Variants in HACE1 observed in about 807,000 individuals in gnomAD.
HACE1 encodes the protein E3 ubiquitin-protein ligase HACE1.
In HACE1, 73 loss-of-function variants were observed where a neutral mutation model predicts 118.4. That is an observed-to-expected ratio of 0.62 (90% CI 0.51 to 0.75). The LOEUF (loss-of-function observed/expected upper bound fraction) is 0.75, where lower values mean the gene tolerates loss of function less well. HACE1 is among the 30% of genes least tolerant of loss of function. The pLI is 0.00. For synonymous variants in HACE1, 368 were observed against 374.8 expected (o/e 0.98, Z 0.21); for missense variants, 749 against 1,102.2 (o/e 0.68, Z 4.54).
chr6:104,809,523 T>A lies in HACE1; in HGVS notation c.617+1788A>T, dbSNP rs189114924. Among the ~76,000 whole-genome samples, 9 of 152,198 alleles carry A rather than the reference T, an allele frequency of 5.9e-5. No homozygotes were observed. The East Asian group carries it at 1.5e-3, about 26-fold the overall frequency. ...GAGAATCACTGTGGTTCAAGTACAG[T>A]GAGCTAAACAGGAGTGAAATCATGG... On this transcript the variant is annotated intron_variant, in intron 7 of 23. Coordinates refer to ENST00000262903, the MANE Select transcript of HACE1 (RefSeq NM_020771.4).
intron 19 of HACE1, among the ~76,000 whole-genome samples, chr6:104,757,473 C>T (rs1419372180): frequency 6.6e-6 from 1 of 152,178 alleles, no homozygotes; most frequent in Admixed American, 6.5e-5. Flanking sequence ...AGAAGGAAAA[C>T]TAACACACAG....
intron 7 of HACE1, 148 bp from the exon 8 acceptor site, chr6:104,797,173 A>G: frequency 1.7e-6 from 1 of 573,988 alleles, no homozygotes; most frequent in South Asian, 1.9e-5. Context: ...AATCACAAAA[A>G]CTTTCTCAAT....
chr6:104,828,781 T>C (rs1317351360), intron 6 of HACE1, among the ~76,000 whole-genome samples: 2 of 152,072 alleles, frequency 1.3e-5, no homozygotes, highest in African/African-American at 4.8e-5. Flanking sequence ...TTCTTAGTTA[T>C]GACAAAAATG....
At chr6:104,748,519 C>T (rs1777689429) in intron 20 of HACE1, among the ~76,000 whole-genome samples, 1 of 152,186 alleles carries the variant, frequency 6.6e-6, no homozygotes, top group Non-Finnish European at 1.5e-5. Flanking sequence ...AAACTATCTG[C>T]TCCTATCTAC....
At chr6:104,842,439 A>C (rs1286253192) in intron 5 of HACE1, 2 of 151,864 alleles carry the variant, frequency 1.3e-5, no homozygotes, top group Non-Finnish European at 1.5e-5. Flanking sequence ...CCCCGTCTCT[A>C]CTGAAAATAC....
At chr6:104,767,100 T>G (rs1005880592) in intron 19 of HACE1, among the ~76,000 whole-genome samples, 1 of 152,110 alleles carries the variant, frequency 6.6e-6, no homozygotes, top group Non-Finnish European at 1.5e-5. Flanking sequence ...TAAAGAGAAA[T>G]AGCTATCTCA....
intron 5 of HACE1, among the ~76,000 whole-genome samples, chr6:104,840,482 T>C (rs982409767): frequency 1.5e-4 from 23 of 152,108 alleles, no homozygotes; most frequent in Non-Finnish European, 7.4e-5. Flanking sequence ...AACCAGGAAG[T>C]AGCATTTAGC....
chr6:104,754,382 C>T (rs1354277492), intron 19 of HACE1, among the ~76,000 whole-genome samples: 2 of 152,110 alleles, frequency 1.3e-5, no homozygotes, highest in Non-Finnish European at 2.9e-5. Context: ...GGCCAACATT[C>T]AAATTCAGGA....
chr6:104,737,747 G>C (rs1416458237), intron 22 of HACE1, among the ~76,000 whole-genome samples: 1 of 152,226 alleles, frequency 6.6e-6, no homozygotes, highest in Non-Finnish European at 1.5e-5. Flanking sequence ...AGCGAGGCTG[G>C]GGGAGGGGCG....
At chr6:104,826,173 C>T (rs1344076267) in intron 6 of HACE1, among the ~76,000 whole-genome samples, 2 of 152,180 alleles carry the variant, frequency 1.3e-5, no homozygotes, top group African/African-American at 2.4e-5. Flanking sequence ...ACCATCCCCT[C>T]GATTTCTGAC....
intron 19 of HACE1, among the ~76,000 whole-genome samples, chr6:104,759,084 C>G (rs1779039410): frequency 6.6e-6 from 1 of 152,196 alleles, no homozygotes; most frequent in South Asian, 2.1e-4. Context: ...GAGACTTAGA[C>G]TCCCACACAA....
intron 2 of HACE1, 89 bp downstream of exon 2, chr6:104,852,228 T>TGTGTGTGTGTGTGA: frequency 3.0e-6 from 2 of 660,800 alleles, no homozygotes. Context: ...TGTGTGTGTG[T>TGTGTGTGTGTGTGA]GCGCGCGTGC....
chr6:104,852,239 GCGTGCA>G (rs1562515067), intron 2 of HACE1, 72 bp downstream of exon 2: 4 of 815,602 alleles, frequency 4.9e-6, no homozygotes, highest in Non-Finnish European at 8.8e-6. Flanking sequence ...GCGCGCGTGC[GCGTGCA>G]CGGGCATGCA....
intron 6 of HACE1, among the ~76,000 whole-genome samples, chr6:104,827,732 A>G (rs1462323314): frequency 6.6e-6 from 1 of 152,126 alleles, no homozygotes; most frequent in Non-Finnish European, 1.5e-5. Context: ...CCGTAACTGG[A>G]TGAAAAACTT....
At chr6:104,753,252 C>G (rs1419210447) in intron 19 of HACE1, among the ~76,000 whole-genome samples, 2 of 152,150 alleles carry the variant, frequency 1.3e-5, no homozygotes, top group Non-Finnish European at 2.9e-5. Flanking sequence ...TGGGACCGAG[C>G]TCCGGGGACA....
At chr6:104,847,172 T>G (rs983578280) in intron 4 of HACE1, among the ~76,000 whole-genome samples, 2 of 152,236 alleles carry the variant, frequency 1.3e-5, no homozygotes, top group African/African-American at 4.8e-5. Context: ...GACTTATTTC[T>G]TGCTCCTCAC....
rs869025280 is a variant in HACE1 at position 104,796,988 on chromosome 6, G to A, written c.655C>T (p.Arg219Ter). 9 of 1,600,278 alleles carry A rather than the reference G, an allele frequency of 5.6e-6. No homozygotes were observed. The highest frequency in any genetic ancestry group is 3.3e-5 in the South Asian group (3 of 90,798). ...QRDTAQILLL[R>*]GAKYLPDKNG... ...TTATCTGGCAGATATTTGGCTCCTC[G>A]TAATAGTAGGATCTGTGCTGTATCT... is the stretch of plus-strand genomic sequence containing the variant. The change falls in exon 8 of 24, where the codon CGA becomes TGA. Residue 219 changes from arginine to a stop codon, truncating the protein, a stop_gained. Coordinates refer to ENST00000262903, the MANE Select transcript of HACE1 (RefSeq NM_020771.4). LOFTEE classifies it high-confidence loss of function.
At chr6:104,742,480 C>G (rs992830265) in intron 22 of HACE1, among the ~76,000 whole-genome samples, 5 of 151,904 alleles carry the variant, frequency 3.3e-5, no homozygotes, top group African/African-American at 1.2e-4. Flanking sequence ...AAACAAACAA[C>G]CCCATCAAAA....
chr6:104,745,136 T>A (rs1777273803), intron 20 of HACE1, among the ~76,000 whole-genome samples: 1 of 152,164 alleles, frequency 6.6e-6, no homozygotes, highest in African/African-American at 2.4e-5. Context: ...CTTTTAGGAA[T>A]TCAATTCTGG....
Sources: gnomAD v4.1 joint callset for allele counts (sites outside exome capture counted in the v4.1 genomes callset) on GRCh38, gnomAD v4.1.1 for gene constraint, MANE v1.5 for transcripts, NCBI Gene and HGNC (gene_info 2026-07-23, HGNC 2026-07-21) for gene names.